Variants in MTMR2 observed in about 807,000 individuals in gnomAD.
The protein encoded by MTMR2 is myotubularin related protein 2, also known as phosphatidylinositol-3,5-bisphosphate 3-phosphatase MTMR2.
In MTMR2, 55 loss-of-function variants were observed where a neutral mutation model predicts 86.9. That is an observed-to-expected ratio of 0.63 (90% CI 0.51 to 0.79). The LOEUF is 0.79. MTMR2 is among the 30% of genes least tolerant of loss of function. The pLI, the probability that MTMR2 is intolerant of heterozygous loss-of-function variation, is 0.00. For missense variants in MTMR2, 659 were observed against 772.3 expected (o/e 0.85, Z 1.74); for synonymous variants, 241 against 266.8 (o/e 0.90, Z 0.94).
chr11:95,902,270 G>A (rs1181026650), intron 1 of MTMR2, among the ~76,000 whole-genome samples: 2 of 152,086 alleles, frequency 1.3e-5, no homozygotes, highest in Non-Finnish European at 2.9e-5. Flanking sequence ...TTATCCCCCA[G>A]CCTCCATCAG....
intron 1 of MTMR2, among the ~76,000 whole-genome samples, chr11:95,902,293 A>G (rs182006242): frequency 1.3e-5 from 2 of 152,296 alleles, no homozygotes; most frequent in Non-Finnish European, 2.9e-5. Flanking sequence ...AGAGTTTAAA[A>G]AGGGCATTGG....
intron 1 of MTMR2, among the ~76,000 whole-genome samples, chr11:95,911,817 T>C (rs1037772604): frequency 6.6e-6 from 1 of 152,126 alleles, no homozygotes; most frequent in Non-Finnish European, 1.5e-5. Flanking sequence ...AAACACTTAC[T>C]TGGACAAGTA....
At chr11:95,876,948 A>T (rs1052822288) in intron 2 of MTMR2, among the ~76,000 whole-genome samples, 1 of 152,184 alleles carries the variant, frequency 6.6e-6, no homozygotes, top group African/African-American at 2.4e-5. Context: ...TTTCACATGG[A>T]ATGGTTAGAT....
At chr11:95,891,973 T>C (rs903323769) in intron 1 of MTMR2, among the ~76,000 whole-genome samples, 1 of 152,196 alleles carries the variant, frequency 6.6e-6, no homozygotes, top group Non-Finnish European at 1.5e-5. Flanking sequence ...AAGTGCTGCC[T>C]TTAGCAGCTA....
chr11:95,844,292 T>A, intron 11 of MTMR2, among the ~76,000 whole-genome samples: 1 of 152,178 alleles, frequency 6.6e-6, no homozygotes, highest in East Asian at 1.9e-4. Context: ...TACCCAATTT[T>A]ATTTAACAGT....
At chr11:95,871,309 C>T (rs965075229) in intron 2 of MTMR2, among the ~76,000 whole-genome samples, 20 of 152,174 alleles carry the variant, frequency 1.3e-4, no homozygotes, top group African/African-American at 4.3e-4. Context: ...TGAGGAATCG[C>T]CACACTGACT....
intron 2 of MTMR2, among the ~76,000 whole-genome samples, chr11:95,875,383 C>T (rs980468846): frequency 4.6e-5 from 7 of 152,176 alleles, no homozygotes; most frequent in African/African-American, 1.7e-4. Context: ...TCCAGTTGAT[C>T]GAATCAGCTA....
Position 95,907,723 on chromosome 11 carries a change from T to G in MTMR2, c.80+16152A>C, listed in dbSNP as rs1866337553. On this transcript the variant is annotated intron_variant, in intron 1 of 14. Coordinates refer to ENST00000346299, the MANE Select transcript of MTMR2 (RefSeq NM_016156.6). ...GCTGGTTCAATGTGCACAAATCACT[T>G]AATTGTGATTCATTACATAAACAGA... 3 of 229,628 alleles carry G rather than the reference T, an allele frequency of 1.3e-5. No individual in the cohort carries two copies. In the South Asian group the frequency reaches 1.4e-4, roughly 11 times the overall value. The allele number at this position is 229,628 out of a possible 1,614,324, so 14.2% of individuals were successfully genotyped here. A position where few individuals can be genotyped will look rare whatever the true frequency, so the allele number is the denominator to read the frequency against.
Position 95,888,180 on chromosome 11 carries a change from G to A in MTMR2, c.162C>T (p.Ala54=), listed in dbSNP as rs547213836. 1.4e-5 allele frequency: 23 copies of A among 1,612,820 alleles called. No individual in the cohort carries two copies. The highest frequency in any genetic ancestry group is 1.3e-4 in the South Asian group (12 of 91,020). ...VVSSDSISTS[A]DNFSPDLRVL... is the part of the protein sequence containing the mutation. The stretch of plus-strand genomic sequence containing the variant: ...CCCTCAAATCAGGAGAAAAGTTGTC[G>A]GCAGAAGTTGAAATGGAATCTGATG... Residue 54 remains alanine (A), a synonymous_variant, in exon 2 of 15, where the codon GCC becomes GCT. Transcript: ENST00000346299.
chr11:95,856,541 CAA>C (rs540118942), intron 7 of MTMR2, among the ~76,000 whole-genome samples: 4 of 126,606 alleles, frequency 3.2e-5, no homozygotes, highest in Non-Finnish European at 5.1e-5. Flanking sequence ...CTCATGCTGC[CAA>C]AAAAAAAAAA....
chr11:95,894,855 C>T (rs1865827574), intron 1 of MTMR2, among the ~76,000 whole-genome samples: 1 of 152,074 alleles, frequency 6.6e-6, no homozygotes, highest in Non-Finnish European at 1.5e-5. Context: ...CCAATAATAA[C>T]TTTTCTCTGA....
chr11:95,870,844 T>C (rs1298171217), intron 2 of MTMR2, among the ~76,000 whole-genome samples: 1 of 151,852 alleles, frequency 6.6e-6, no homozygotes, highest in Non-Finnish European at 1.5e-5. Context: ...CATTAACTCG[T>C]CATTTAACAT....
chr11:95,844,529 G>C (rs995246545), intron 11 of MTMR2, among the ~76,000 whole-genome samples: 1 of 152,096 alleles, frequency 6.6e-6, no homozygotes, highest in Non-Finnish European at 1.5e-5. Context: ...ATGGGATCTG[G>C]GAACCAAGCC....
intron 3 of MTMR2, among the ~76,000 whole-genome samples, chr11:95,864,755 A>G (rs1308283652): frequency 6.6e-6 from 1 of 152,198 alleles, no homozygotes; most frequent in African/African-American, 2.4e-5. Flanking sequence ...CTAGGAAGCT[A>G]AATTTAGTAA....
intron 3 of MTMR2, among the ~76,000 whole-genome samples, chr11:95,864,796 C>T (rs1057289618): frequency 9.2e-5 from 14 of 152,050 alleles, no homozygotes; most frequent in Non-Finnish European, 5.9e-5. Flanking sequence ...CAGGTCCTGC[C>T]TTTGGCTTGT....
At chr11:95,895,263 T>C (rs942434240) in intron 1 of MTMR2, among the ~76,000 whole-genome samples, 8 of 151,952 alleles carry the variant, frequency 5.3e-5, no homozygotes, top group Non-Finnish European at 8.8e-5. Flanking sequence ...ATAGGTCAGA[T>C]GGCCAAATAT....
At chr11:95,851,253 G>A (rs868111965) in intron 7 of MTMR2, among the ~76,000 whole-genome samples, 1 of 151,542 alleles carries the variant, frequency 6.6e-6, no homozygotes, top group East Asian at 1.9e-4. Context: ...TAGTAGAGAC[G>A]GGGTTGGCCA....
At chr11:95,886,149 T>C (rs1234416142) in intron 2 of MTMR2, among the ~76,000 whole-genome samples, 1 of 152,044 alleles carries the variant, frequency 6.6e-6, no homozygotes, top group Non-Finnish European at 1.5e-5. Flanking sequence ...AAAAAGAACA[T>C]TAGGTAAAAA....
At chr11:95,900,841 T>C (rs1171526694) in intron 1 of MTMR2, among the ~76,000 whole-genome samples, 1 of 152,194 alleles carries the variant, frequency 6.6e-6, no homozygotes, top group Non-Finnish European at 1.5e-5. Context: ...CAAATTGAAC[T>C]CTACCTTCAA....
Sources: allele counts gnomAD v4.1 joint callset (sites outside exome capture counted in the v4.1 genomes callset), GRCh38; gene constraint gnomAD v4.1.1; transcripts MANE v1.5; gene names NCBI Gene and HGNC (gene_info 2026-07-23, HGNC 2026-07-21).